Variants in GPM6B observed in about 807,000 individuals in gnomAD.
GPM6B encodes glycoprotein M6B, also known as neuronal membrane glycoprotein M6-b.
A neutral mutation model predicts 27.2 loss-of-function variants in GPM6B; 4 were observed. That is an observed-to-expected ratio of 0.15 (90% CI 0.07 to 0.34). GPM6B has a LOEUF of 0.34. Among genes scored for constraint, GPM6B ranks in the 10% least tolerant of loss-of-function variants. The probability of loss-of-function intolerance (pLI) is 1.00; values close to 1 mark genes in which losing one functional copy is unlikely to be tolerated. For synonymous variants in GPM6B, 124 were observed against 103.1 expected (o/e 1.20, Z -1.23); for missense variants, 183 against 261.9 (o/e 0.70, Z 2.08).
At chrX:13,880,675 C>CAAAAAAAAAAAAAAAAAAAAAAAA (rs57849359) in intron 1 of GPM6B, among the ~76,000 whole-genome samples, 1 of 46,617 alleles carries the variant, frequency 2.1e-5, no homozygotes, top group Non-Finnish European at 3.3e-5. Flanking sequence ...GGCTCCATCT[C>CAAAAAAAAAAAAAAAAAAAAAAAA]AAAAAAAAAA....
chrX:13,815,740 T>C (rs933373260), intron 1 of GPM6B, among the ~76,000 whole-genome samples: 1 of 112,205 alleles, frequency 8.9e-6, no homozygotes, highest in Non-Finnish European at 1.9e-5. Flanking sequence ...CCCAGCATAC[T>C]GTGAAGCTGA....
chrX:13,920,016 C>A (rs777715953), intron 1 of GPM6B, among the ~76,000 whole-genome samples: 1 of 110,884 alleles, frequency 9.0e-6, no homozygotes, highest in South Asian at 3.8e-4. Flanking sequence ...GTAATCCCAG[C>A]ACTTTGGGAG....
chrX:13,797,766 A>C (rs2048844286), intron 2 of GPM6B, among the ~76,000 whole-genome samples: 1 of 111,391 alleles, frequency 9.0e-6, no homozygotes, highest in African/African-American at 3.3e-5. Flanking sequence ...GGGTCTTCTG[A>C]GGTTTATTCA....
At chrX:13,921,298 G>A (rs1407452209) in intron 1 of GPM6B, among the ~76,000 whole-genome samples, 1 of 111,892 alleles carries the variant, frequency 8.9e-6, no homozygotes, top group Non-Finnish European at 1.9e-5. Context: ...AGAATTTTTT[G>A]CCCTATTCCA....
At chrX:13,896,997 T>C (rs966087366) in intron 1 of GPM6B, among the ~76,000 whole-genome samples, 1 of 112,506 alleles carries the variant, frequency 8.9e-6, no homozygotes, top group African/African-American at 3.2e-5. Context: ...ATTTTACCCA[T>C]GGAAACACAA....
chrX:13,938,241 C>T (rs746404411), intron 1 of GPM6B: 1 of 255,577 alleles, frequency 3.9e-6, no homozygotes, highest in South Asian at 2.6e-4. Flanking sequence ...CTCTTAGGCT[C>T]CCGCGAGCCG....
intron 2 of GPM6B, among the ~76,000 whole-genome samples, chrX:13,791,221 T>C (rs1210550354): frequency 9.0e-6 from 1 of 110,910 alleles, no homozygotes; most frequent in Non-Finnish European, 1.9e-5. Context: ...TTTTTTTCTT[T>C]CTTTCCTGAG....
intron 1 of GPM6B, among the ~76,000 whole-genome samples, chrX:13,845,906 T>C (rs1239610041): frequency 8.9e-6 from 1 of 111,999 alleles, no homozygotes; most frequent in Non-Finnish European, 1.9e-5. Context: ...ATGTGTTTCC[T>C]CTGAATCACC....
upstream of GPM6B, among the ~76,000 whole-genome samples, chrX:13,821,264 T>C (rs977122801): frequency 5.3e-5 from 6 of 112,568 alleles, no homozygotes; most frequent in African/African-American, 1.6e-4. Context: ...AACTCATACA[T>C]AGGGCTTTGG....
Position 13,772,684 on chromosome X carries a change from C to A in GPM6B, c.*197G>T. On this transcript the variant is annotated 3_prime_UTR_variant, in exon 8 of 8. Coordinates refer to ENST00000316715, the MANE Select transcript of GPM6B (RefSeq NM_001001995.3). ...CCTTTTAAAATGGCTAACATGAAAC[C>A]TCCAATATTTGTTCTAAAGAAAAAG... 1 of 358,460 alleles carries A rather than the reference C, an allele frequency of 2.8e-6. No individual in the cohort carries two copies. The highest frequency in any genetic ancestry group is 4.8e-6 in the Non-Finnish European group (1 of 206,426). 29.5% of individuals were successfully genotyped at this position (358,460 alleles called of 1,213,427 possible). A position where few individuals can be genotyped will look rare whatever the true frequency, so the allele number is the denominator to read the frequency against.
chrX:13,811,884 TCTG>T (rs768360781), intron 1 of GPM6B, among the ~76,000 whole-genome samples: 54 of 111,238 alleles, frequency 4.9e-4, no homozygotes, highest in Non-Finnish European at 7.5e-4. Context: ...TGGCATTTTG[TCTG>T]CTATTTAATC....
chrX:13,933,374 A>G (rs192385259), intron 1 of GPM6B, among the ~76,000 whole-genome samples: 68 of 111,827 alleles, frequency 6.1e-4, no homozygotes, highest in African/African-American at 2.0e-3. Context: ...TGTTTACCTA[A>G]AGGACCCCAC....
intron 2 of GPM6B, among the ~76,000 whole-genome samples, chrX:13,794,200 T>TTC (rs1555912765): frequency 5.6e-5 from 6 of 107,017 alleles, no homozygotes; most frequent in South Asian, 8.5e-4. Flanking sequence ...TTTTTTTTTT[T>TTC]CCCAGATACA....
In GPM6B at chrX:13,770,967, C is replaced by G. The variant is rs1307380364; in HGVS notation, c.*1914G>C. On this transcript the variant is annotated 3_prime_UTR_variant, in exon 8 of 8. Coordinates refer to ENST00000316715, the MANE Select transcript of GPM6B (RefSeq NM_001001995.3). ...ATGAAGCTATAATTTTATTTCATTA[C>G]TCTTAGTACATCCACAACTATTTCC... 8.9e-6 allele frequency: 1 copy of G among 112,422 alleles called. No individual in the cohort carries two copies. Among genetic ancestry groups the G allele is most frequent in the African/African-American group, 3.2e-5 (1 of 30,854 alleles). 9.3% of individuals were successfully genotyped at this position (112,422 alleles called of 1,213,427 possible).
At chrX:13,856,613 A>C (rs946366612) in intron 1 of GPM6B, among the ~76,000 whole-genome samples, 2 of 112,348 alleles carry the variant, frequency 1.8e-5, no homozygotes, top group African/African-American at 3.2e-5. Context: ...AAACAATGCA[A>C]ATTTATTCTC....
chrX:13,780,816 G>T (rs1432559560), intron 4 of GPM6B: 5 of 178,357 alleles, frequency 2.8e-5, no homozygotes, highest in Non-Finnish European at 5.4e-5. Flanking sequence ...CAGAAGGCGC[G>T]CCCACAGAGG....
intron 2 of GPM6B, among the ~76,000 whole-genome samples, chrX:13,787,805 C>A (rs1278161766): frequency 1.8e-5 from 2 of 111,595 alleles, no homozygotes; most frequent in Non-Finnish European, 3.8e-5. Flanking sequence ...AGAAAACAGA[C>A]ATGGGTATTG....
intron 1 of GPM6B, among the ~76,000 whole-genome samples, chrX:13,831,021 T>C (rs2049431886): frequency 9.0e-6 from 1 of 110,930 alleles, no homozygotes; most frequent in South Asian, 3.8e-4. Context: ...GATGATTCTA[T>C]AGGAGTCTGT....
intron 1 of GPM6B, among the ~76,000 whole-genome samples, chrX:13,868,330 C>T (rs1260267528): frequency 9.0e-6 from 1 of 111,568 alleles, no homozygotes; most frequent in Non-Finnish European, 1.9e-5. Context: ...AAGGCCAACA[C>T]CTCAGCAAAA....
Sources: gnomAD v4.1 joint callset for allele counts (sites outside exome capture counted in the v4.1 genomes callset) on GRCh38, gnomAD v4.1.1 for gene constraint, MANE v1.5 for transcripts, NCBI Gene and HGNC (gene_info 2026-07-23, HGNC 2026-07-21) for gene names.